Variants in PDK1 observed in about 807,000 individuals in gnomAD.
The protein encoded by PDK1 is pyruvate dehydrogenase kinase 1, also known as [Pyruvate dehydrogenase (acetyl-transferring)] kinase isozyme 1, mitochondrial.
In PDK1, 39 loss-of-function variants were observed where a neutral mutation model predicts 54.2. That is an observed-to-expected ratio of 0.72 (90% CI 0.56 to 0.94). The LOEUF is 0.94. Among genes scored for constraint, PDK1 ranks in the 40% least tolerant of loss-of-function variants. The pLI is 0.00. For missense variants in PDK1, 552 were observed against 566.0 expected (o/e 0.98, Z 0.25); for synonymous variants, 221 against 207.1 (o/e 1.07, Z -0.58).
rs1690866331 is a variant in PDK1, at chr2:172,595,927, C to T, written c.1269C>T (p.Pro423=). 6.2e-7 allele frequency: 1 copy of T among 1,613,752 alleles called. No individual in the cohort carries two copies. The highest frequency in any genetic ancestry group is 8.5e-7 in the Non-Finnish European group (1 of 1,179,792). Reference sequence around the variant, plus strand: ...ACGAGGCTGATGACTGGTGCGTCCCCAGCAGAGAACCCAAAGACATGACGA... The same window carrying T: ...ACGAGGCTGATGACTGGTGCGTCCCTAGCAGAGAACCCAAAGACATGACGA... ...TNHEADDWCV[P]SREPKDMTTF... Residue 423 remains proline (P), a synonymous_variant, in exon 11 of 11, where the codon CCC becomes CCT. Transcript: ENST00000282077.
intron 9 of PDK1, among the ~76,000 whole-genome samples, chr2:172,592,491 GTC>G (rs541281882): frequency 1.3e-5 from 2 of 151,088 alleles, no homozygotes; most frequent in South Asian, 4.2e-4. Flanking sequence ...CTCTTCCTCT[GTC>G]TCTCTCTCTG....
chr2:172,620,787 T>G, the PDK1 span, among the ~76,000 whole-genome samples: 1 of 152,154 alleles, frequency 6.6e-6, no homozygotes, highest in Non-Finnish European at 1.5e-5. Context: ...CTGCTCTCCC[T>G]TTGCCTTCCA....
chr2:172,698,046 C>G, the PDK1 span, among the ~76,000 whole-genome samples: 9 of 152,192 alleles, frequency 5.9e-5, no homozygotes, highest in Non-Finnish European at 1.0e-4. Flanking sequence ...GGCCACCCAT[C>G]TTCCTGAAAG....
intron 8 of PDK1, among the ~76,000 whole-genome samples, chr2:172,577,362 A>G (rs988016589): frequency 6.6e-6 from 1 of 152,146 alleles, no homozygotes; most frequent in African/African-American, 2.4e-5. Context: ...TATAGCATAC[A>G]GTTAGAATTT....
chr2:172,679,373 G>A, the PDK1 span, among the ~76,000 whole-genome samples: 1 of 152,130 alleles, frequency 6.6e-6, no homozygotes, highest in African/African-American at 2.4e-5. Context: ...CTGAAGCCCA[G>A]GAGTTTGAGG....
At chr2:172,688,840 T>C in the PDK1 span, among the ~76,000 whole-genome samples, 1 of 152,182 alleles carries the variant, frequency 6.6e-6, no homozygotes, top group Non-Finnish European at 1.5e-5. Flanking sequence ...CAGTCAACTA[T>C]CTTCCCCACA....
chr2:172,664,698 CT>C, the PDK1 span, among the ~76,000 whole-genome samples: 1 of 152,096 alleles, frequency 6.6e-6, no homozygotes, highest in African/African-American at 2.4e-5. Context: ...TCTTCCATGT[CT>C]GCTACTCTTC....
At chr2:172,700,785 C>T in the PDK1 span, among the ~76,000 whole-genome samples, 2 of 152,168 alleles carry the variant, frequency 1.3e-5, no homozygotes, top group Non-Finnish European at 2.9e-5. Context: ...GCAGATCACT[C>T]GCGGTCAGGA....
At chr2:172,620,607 G>GGACTTAGTGGGAGGTGACTGGATCA in the PDK1 span, among the ~76,000 whole-genome samples, 1 of 152,124 alleles carries the variant, frequency 6.6e-6, no homozygotes, top group South Asian at 2.1e-4. Context: ...ATTGGAAGTG[G>GGACTTAGTGGGAGGTGACTGGATCA]GACTTAGTGG....
chr2:172,721,609 A>C, the PDK1 span, among the ~76,000 whole-genome samples: 1 of 152,202 alleles, frequency 6.6e-6, no homozygotes, highest in East Asian at 1.9e-4. Context: ...AAGTGCTGGG[A>C]TTATAGGTGT....
At chr2:172,592,497 C>T (rs904293491) in intron 9 of PDK1, among the ~76,000 whole-genome samples, 1 of 152,070 alleles carries the variant, frequency 6.6e-6, no homozygotes, top group Admixed American at 6.6e-5. Flanking sequence ...CTCTGTCTCT[C>T]TCTCTGACTT....
chr2:172,633,034 T>G, the PDK1 span, among the ~76,000 whole-genome samples: 1 of 147,274 alleles, frequency 6.8e-6, no homozygotes, highest in Non-Finnish European at 1.5e-5. Flanking sequence ...ATAGTATACA[T>G]TTTTATTTAA....
At chr2:172,648,346 C>T in the PDK1 span, among the ~76,000 whole-genome samples, 1 of 152,104 alleles carries the variant, frequency 6.6e-6, no homozygotes, top group Non-Finnish European at 1.5e-5. Flanking sequence ...TATCTCAAAA[C>T]AGAAAAATGT....
chr2:172,684,082 G>A, the PDK1 span, among the ~76,000 whole-genome samples: 1 of 152,200 alleles, frequency 6.6e-6, no homozygotes, highest in South Asian at 2.1e-4. Flanking sequence ...ATAGGGAGGA[G>A]AGAAATATAT....
intron 5 of PDK1, among the ~76,000 whole-genome samples, 160 bp downstream of exon 5, chr2:172,565,233 G>C (rs1464803129): frequency 6.6e-6 from 1 of 152,174 alleles, no homozygotes; most frequent in Non-Finnish European, 1.5e-5. Flanking sequence ...ATTATGTATA[G>C]GATGACTATT....
chr2:172,577,590 T>C (rs1689647791), intron 8 of PDK1, among the ~76,000 whole-genome samples: 1 of 152,162 alleles, frequency 6.6e-6, no homozygotes, highest in African/African-American at 2.4e-5. Context: ...TTTTTGTTAC[T>C]ATATTTCTTT....
intron 8 of PDK1, among the ~76,000 whole-genome samples, chr2:172,585,316 ATTTT>A (rs538241255): frequency 5.8e-5 from 6 of 103,304 alleles, no homozygotes; most frequent in African/African-American, 2.2e-4. Flanking sequence ...TGCATTTTTA[ATTTT>A]TTTTTTTTTT....
the PDK1 span, among the ~76,000 whole-genome samples, chr2:172,648,112 C>G: frequency 6.6e-6 from 1 of 152,072 alleles, no homozygotes; most frequent in Non-Finnish European, 1.5e-5. Flanking sequence ...AAACTGCATG[C>G]AACGTGGGAA....
chr2:172,585,493 T>C (rs1169687206), intron 8 of PDK1, among the ~76,000 whole-genome samples: 1 of 151,888 alleles, frequency 6.6e-6, no homozygotes, highest in Non-Finnish European at 1.5e-5. Flanking sequence ...ACCTGGCTAA[T>C]TGTTATATTT....
Sources: gnomAD v4.1 joint callset for allele counts (sites outside exome capture counted in the v4.1 genomes callset) on GRCh38, gnomAD v4.1.1 for gene constraint, MANE v1.5 for transcripts, NCBI Gene and HGNC (gene_info 2026-07-23, HGNC 2026-07-21) for gene names.